The following ZDHHC14 variants were observed in gnomAD, a reference collection of about 807,000 sequenced individuals.
ZDHHC14 encodes the protein zDHHC palmitoyltransferase 14, also known as palmitoyltransferase ZDHHC14.
A neutral mutation model predicts 47.7 loss-of-function variants in ZDHHC14; 16 were observed. The observed-to-expected ratio is 0.34, with a 90% CI of 0.23 to 0.51. The LOEUF is 0.51. Ranked by LOEUF, ZDHHC14 falls within the 20% of genes least tolerant of loss-of-function variation. ZDHHC14 has a pLI of 0.97. For synonymous variants in ZDHHC14, 293 were observed against 278.9 expected, an observed-to-expected ratio of 1.05 and a Z score of -0.50; for missense variants, 515 against 662.5, an observed-to-expected ratio of 0.78 and a Z score of 2.44.
chr6:157,449,849 G>A (rs144515126), intron 1 of ZDHHC14, among the ~76,000 whole-genome samples: 6 of 152,204 alleles, frequency 3.9e-5, no homozygotes, highest in Non-Finnish European at 5.9e-5. Context: ...TCCCCAGTAC[G>A]TTGATGGGCT....
chr6:157,518,354 G>T (rs996895569), intron 1 of ZDHHC14, among the ~76,000 whole-genome samples: 1 of 138,474 alleles, frequency 7.2e-6, no homozygotes, highest in African/African-American at 2.7e-5. Flanking sequence ...GAAGGACTAT[G>T]TGTGGTCATT....
chr6:157,416,807 A>T (rs1258474688), intron 1 of ZDHHC14, among the ~76,000 whole-genome samples: 1 of 137,432 alleles, frequency 7.3e-6, no homozygotes, highest in Admixed American at 7.4e-5. Flanking sequence ...TTGTTAGCAA[A>T]TTTTTTTTTT....
intron 7 of ZDHHC14, among the ~76,000 whole-genome samples, chr6:157,650,518 G>C (rs1241241646): frequency 6.6e-6 from 1 of 152,084 alleles, no homozygotes; most frequent in Admixed American, 6.5e-5. Flanking sequence ...TGGACGCGAT[G>C]GGATGCTGGC....
intron 1 of ZDHHC14, among the ~76,000 whole-genome samples, chr6:157,527,213 C>T (rs756639311): frequency 1.3e-4 from 20 of 152,070 alleles, no homozygotes; most frequent in East Asian, 3.9e-4. Context: ...TTACACCAGC[C>T]GGGGGGCCAT....
intron 3 of ZDHHC14, among the ~76,000 whole-genome samples, chr6:157,626,897 G>GGGGA (rs1562515760): frequency 1.3e-5 from 2 of 148,454 alleles, no homozygotes; most frequent in African/African-American, 5.1e-5. Flanking sequence ...AGCTGGGGGG[G>GGGGA]GGGCGGCGGG....
chr6:157,495,156 G>A (rs1288673099), intron 1 of ZDHHC14, among the ~76,000 whole-genome samples: 1 of 151,976 alleles, frequency 6.6e-6, no homozygotes, highest in African/African-American at 2.4e-5. Context: ...TCCCCTCAAA[G>A]CTTCCATCTG....
chr6:157,480,287 T>TTTC (rs1779594999), intron 1 of ZDHHC14, among the ~76,000 whole-genome samples: 2 of 148,774 alleles, frequency 1.3e-5, no homozygotes, highest in Non-Finnish European at 3.0e-5. Flanking sequence ...TTTTTTTTTT[T>TTTC]TTCAGAGGCT....
chr6:157,546,455 C>T (rs1338387368), intron 2 of ZDHHC14, among the ~76,000 whole-genome samples: 1 of 152,124 alleles, frequency 6.6e-6, no homozygotes, highest in African/African-American at 2.4e-5. Context: ...ACAGCTTTCC[C>T]CTGTCTTCAA....
At chr6:157,451,712 C>G (rs914432369) in intron 1 of ZDHHC14, among the ~76,000 whole-genome samples, 7 of 152,142 alleles carry the variant, frequency 4.6e-5, no homozygotes, top group African/African-American at 7.2e-5. Context: ...AGGTGCCCAC[C>G]ACCACACCTG....
chr6:157,662,681 T>C (rs1164470049), intron 8 of ZDHHC14, among the ~76,000 whole-genome samples: 1 of 152,258 alleles, frequency 6.6e-6, no homozygotes, highest in African/African-American at 2.4e-5. Flanking sequence ...TTCTCTTTGA[T>C]GTAGTGACAT....
At chr6:157,417,219 A>G (rs1021273253) in intron 1 of ZDHHC14, among the ~76,000 whole-genome samples, 5 of 151,560 alleles carry the variant, frequency 3.3e-5, no homozygotes, top group African/African-American at 1.2e-4. Flanking sequence ...CTCTTATCCA[A>G]TTCTGTATGC....
chr6:157,558,748 G>T (rs1194423608), intron 2 of ZDHHC14, among the ~76,000 whole-genome samples: 1 of 151,444 alleles, frequency 6.6e-6, no homozygotes, highest in African/African-American at 2.4e-5. Context: ...GATTGGGATG[G>T]CATTTTGCAA....
At chr6:157,488,993 T>G (rs1779847254) in intron 1 of ZDHHC14, among the ~76,000 whole-genome samples, 1 of 152,210 alleles carries the variant, frequency 6.6e-6, no homozygotes, top group East Asian at 1.9e-4. Context: ...TTTAATGGAT[T>G]TACAAGATAA....
intron 1 of ZDHHC14, among the ~76,000 whole-genome samples, chr6:157,477,207 C>T (rs984862654): frequency 1.8e-4 from 27 of 152,144 alleles, no homozygotes; most frequent in Admixed American, 1.4e-3. Flanking sequence ...TGGTGAAACC[C>T]CGTCTCTACT....
chr6:157,576,361 T>C (rs1350666900), intron 2 of ZDHHC14, among the ~76,000 whole-genome samples: 2 of 152,206 alleles, frequency 1.3e-5, no homozygotes, highest in Admixed American at 6.5e-5. Context: ...TTTGCTCTAC[T>C]TTTTTCCCAA....
intron 3 of ZDHHC14, among the ~76,000 whole-genome samples, chr6:157,610,623 G>A (rs1784716900): frequency 6.6e-6 from 1 of 152,146 alleles, no homozygotes; most frequent in Non-Finnish European, 1.5e-5. Flanking sequence ...AGAAGGAGAG[G>A]CAGCGTTGGC....
chr6:157,594,761 G>T (rs548140114), intron 3 of ZDHHC14, among the ~76,000 whole-genome samples: 5 of 152,278 alleles, frequency 3.3e-5, no homozygotes, highest in Non-Finnish European at 5.9e-5. Flanking sequence ...GCCTTTGTTT[G>T]ATTACCAGTA....
At chr6:157,402,941 G>A (rs1384602268) in intron 1 of ZDHHC14, among the ~76,000 whole-genome samples, 1 of 152,162 alleles carries the variant, frequency 6.6e-6, no homozygotes, top group Non-Finnish European at 1.5e-5. Context: ...CACCATTCTG[G>A]CCAGGCTGGT....
At chr6:157,647,662 G>A (rs967454514) in intron 7 of ZDHHC14, among the ~76,000 whole-genome samples, 2 of 152,352 alleles carry the variant, frequency 1.3e-5, no homozygotes, top group East Asian at 1.9e-4. Flanking sequence ...GCTAATGACT[G>A]AAGGTGCGTG....
Sources: allele counts gnomAD v4.1 joint callset (sites outside exome capture counted in the v4.1 genomes callset), GRCh38; gene constraint gnomAD v4.1.1; transcripts MANE v1.5; gene names NCBI Gene and HGNC (gene_info 2026-07-23, HGNC 2026-07-21).